The following ACVR1C variants were observed in gnomAD, a reference collection of about 807,000 sequenced individuals.
The protein encoded by ACVR1C is activin A receptor type 1C.
ACVR1C carries 23 observed loss-of-function variants against 57.9 expected under a neutral mutation model. That is an observed-to-expected ratio of 0.40 (90% CI 0.29 to 0.56). The LOEUF is 0.56. Ranked by LOEUF, ACVR1C falls within the 20% of genes least tolerant of loss-of-function variation. The pLI is 0.50. For missense variants in ACVR1C, 480 were observed against 607.9 expected (o/e 0.79, Z 2.21); for synonymous variants, 214 against 215.3 (o/e 0.99, Z 0.05).
chr2:157,566,625 T>C (rs1688390188), intron 2 of ACVR1C, among the ~76,000 whole-genome samples: 1 of 151,818 alleles, frequency 6.6e-6, no homozygotes, highest in South Asian at 2.1e-4. Context: ...ATCGGGTCAC[T>C]CCCACCCGAA....
At chr2:157,551,223 C>T (rs1338555166) in intron 3 of ACVR1C, among the ~76,000 whole-genome samples, 3 of 152,166 alleles carry the variant, frequency 2.0e-5, no homozygotes, top group Non-Finnish European at 2.9e-5. Context: ...CAAGTTATTT[C>T]ACCTGTCTGC....
intron 1 of ACVR1C, among the ~76,000 whole-genome samples, chr2:157,611,327 T>C (rs1038855133): frequency 3.9e-5 from 6 of 152,162 alleles, no homozygotes; most frequent in African/African-American, 9.7e-5. Context: ...CTCAGTGAGT[T>C]AGAGTATGGT....
At chr2:157,588,882 T>TAC (rs1165852661) in intron 1 of ACVR1C, among the ~76,000 whole-genome samples, 2 of 135,144 alleles carry the variant, frequency 1.5e-5, no homozygotes, top group Non-Finnish European at 1.6e-5. Flanking sequence ...TATATATACG[T>TAC]GTGTGTGTAT....
chr2:157,594,007 C>T (rs890366327), intron 1 of ACVR1C, among the ~76,000 whole-genome samples: 2 of 152,120 alleles, frequency 1.3e-5, no homozygotes, highest in African/African-American at 4.8e-5. Context: ...CAATTACGTT[C>T]CCTGTTAAAG....
chr2:157,609,381 A>G (rs1304935408), intron 1 of ACVR1C, among the ~76,000 whole-genome samples: 1 of 151,852 alleles, frequency 6.6e-6, no homozygotes, highest in African/African-American at 2.4e-5. Context: ...TTATTTTGCA[A>G]CCTAACACAT....
At chr2:157,585,551 A>G in intron 2 of ACVR1C, among the ~76,000 whole-genome samples, 1 of 152,134 alleles carries the variant, frequency 6.6e-6, no homozygotes, top group East Asian at 1.9e-4. Flanking sequence ...TGTTATAGTC[A>G]AAGAATGTAG....
At chr2:157,625,005 T>G (rs1184473545) in intron 1 of ACVR1C, among the ~76,000 whole-genome samples, 1 of 152,208 alleles carries the variant, frequency 6.6e-6, no homozygotes, top group Non-Finnish European at 1.5e-5. Flanking sequence ...ATTTGCTAAG[T>G]CTGTGGCTCT....
intron 2 of ACVR1C, among the ~76,000 whole-genome samples, chr2:157,576,871 G>A (rs1247555325): frequency 7.0e-5 from 2 of 28,422 alleles, no homozygotes. Flanking sequence ...TTTTTGAGAC[G>A]GAGTCTCGCT....
At chr2:157,572,379 T>TAAAAAAAAA (rs552511395) in intron 2 of ACVR1C, among the ~76,000 whole-genome samples, 1 of 136,810 alleles carries the variant, frequency 7.3e-6, no homozygotes, top group African/African-American at 2.7e-5. Context: ...AAAAAAAAAT[T>TAAAAAAAAA]AAAAAAAAAA....
chr2:157,543,762 C>T (rs965984367), intron 5 of ACVR1C, among the ~76,000 whole-genome samples: 9 of 152,082 alleles, frequency 5.9e-5, no homozygotes, highest in Admixed American at 5.2e-4. Context: ...ACATGATATA[C>T]AAATATTTTT....
At chr2:157,591,451 A>C (rs531537104) in intron 1 of ACVR1C, among the ~76,000 whole-genome samples, 2 of 152,062 alleles carry the variant, frequency 1.3e-5, no homozygotes, top group African/African-American at 4.8e-5. Flanking sequence ...AAACTCTTAC[A>C]TAACACCAAT....
At chr2:157,558,683 C>T (rs1429713369) in intron 2 of ACVR1C, among the ~76,000 whole-genome samples, 1 of 152,168 alleles carries the variant, frequency 6.6e-6, no homozygotes, top group African/African-American at 2.4e-5. Context: ...AGTAGTTATA[C>T]AGGTGCATAT....
rs1215560542 is a variant in ACVR1C at position 157,531,750 on chromosome 2, A to G, written c.*2168T>C. ...ATAGGCACTTTTAAAAACTGATGAT[A>G]TATTTAGATTGTCTGTAATATCCAA... On this transcript the variant is annotated 3_prime_UTR_variant, in exon 9 of 9. Coordinates refer to ENST00000243349, the MANE Select transcript of ACVR1C (RefSeq NM_145259.3). 3 of 152,142 alleles carry G rather than the reference A, an allele frequency of 2.0e-5. No individual in the cohort carries two copies. Among genetic ancestry groups the G allele is most frequent in the Admixed American group, 1.3e-4 (2 of 15,256 alleles). 9.4% of individuals were successfully genotyped at this position (152,142 alleles called of 1,614,324 possible).
chr2:157,545,288 A>G lies in ACVR1C; in HGVS notation c.776-676T>C, dbSNP rs187578162. ...TTAGCTTTTGAAATGAAATGTCTACAGTAACCCTGGGCAGTCCTGACCAGT... is the reference window on the plus strand; with the variant it reads ...TTAGCTTTTGAAATGAAATGTCTACGGTAACCCTGGGCAGTCCTGACCAGT... On this transcript the variant is annotated intron_variant, in intron 4 of 8. Coordinates refer to ENST00000243349, the MANE Select transcript of ACVR1C (RefSeq NM_145259.3). 8.6e-4 allele frequency among the ~76,000 whole-genome samples: 131 copies of G among 152,348 alleles called. 1 individual carries two copies. The highest frequency in any genetic ancestry group is 3.5e-3 in the South Asian group (17 of 4,828).
chr2:157,549,543 G>A (rs1687859580), intron 4 of ACVR1C, among the ~76,000 whole-genome samples: 1 of 152,078 alleles, frequency 6.6e-6, no homozygotes, highest in Non-Finnish European at 1.5e-5. Flanking sequence ...AAACCAGTCA[G>A]CAAACATTTT....
chr2:157,542,190 C>T (rs1463598333), intron 6 of ACVR1C, among the ~76,000 whole-genome samples: 2 of 152,008 alleles, frequency 1.3e-5, no homozygotes, highest in Non-Finnish European at 2.9e-5. Flanking sequence ...ATAGGTAATA[C>T]ATAAATTGTT....
At chr2:157,623,884 C>T (rs1682839942) in intron 1 of ACVR1C, among the ~76,000 whole-genome samples, 1 of 151,960 alleles carries the variant, frequency 6.6e-6, no homozygotes, top group South Asian at 2.1e-4. Flanking sequence ...ACTATGCACC[C>T]ACAAAAATTT....
At chr2:157,577,624 A>T (rs1332413761) in intron 2 of ACVR1C, among the ~76,000 whole-genome samples, 1 of 152,176 alleles carries the variant, frequency 6.6e-6, no homozygotes, top group Non-Finnish European at 1.5e-5. Flanking sequence ...TTACCATCAC[A>T]ATAATTTCAA....
At chr2:157,604,006 A>G (rs1274013142) in intron 1 of ACVR1C, among the ~76,000 whole-genome samples, 1 of 152,032 alleles carries the variant, frequency 6.6e-6, no homozygotes, top group Non-Finnish European at 1.5e-5. Context: ...ACGTTTAACT[A>G]TTGTTGTTAT....
Sources: allele counts gnomAD v4.1 joint callset (sites outside exome capture counted in the v4.1 genomes callset), GRCh38; gene constraint gnomAD v4.1.1; transcripts MANE v1.5; gene names NCBI Gene and HGNC (gene_info 2026-07-23, HGNC 2026-07-21).